Variants in AP4E1 observed in about 807,000 individuals in gnomAD.
AP4E1 encodes adaptor related protein complex 4 subunit epsilon 1.
AP4E1 carries 56 observed loss-of-function variants against 128.2 expected under a neutral mutation model. The ratio of observed to expected loss-of-function variants is 0.44; its 90% confidence interval spans 0.35 to 0.55. The LOEUF (loss-of-function observed/expected upper bound fraction) is 0.55, where lower values mean the gene tolerates loss of function less well. AP4E1 is among the 20% of genes least tolerant of loss of function. The pLI is 0.00. For synonymous variants in AP4E1, 484 were observed against 473.1 expected, an observed-to-expected ratio of 1.02 and a Z score of -0.30; for missense variants, 1,324 against 1,307.7, an observed-to-expected ratio of 1.01 and a Z score of -0.19.
chr15:50,992,059 G>A (rs996730067), intron 16 of AP4E1, among the ~76,000 whole-genome samples: 5 of 150,936 alleles, frequency 3.3e-5, no homozygotes, highest in South Asian at 2.1e-4. Flanking sequence ...TAAACTGTGC[G>A]GGTCCACTTA....
chr15:50,908,539 G>A (rs928324230), upstream of AP4E1: 5 of 448,980 alleles, frequency 1.1e-5, no homozygotes, highest in Admixed American at 9.1e-5. Context: ...CGCGAGAAAG[G>A]AGGTCTACTT....
At position 50,968,183 on chromosome 15, in the gene AP4E1, G is replaced by A. The variant is rs552163134; in HGVS notation, c.1852-80G>A. Reference sequence around the variant, plus strand: ...TTAGAATTTTAAAAAATATATATGGGCTGAAATTATTTATGTGACTATATA... The same window carrying A: ...TTAGAATTTTAAAAAATATATATGGACTGAAATTATTTATGTGACTATATA... On this transcript the variant is annotated intron_variant, in intron 14 of 20. Coordinates refer to ENST00000261842, the MANE Select transcript of AP4E1 (RefSeq NM_007347.5). 151 of 960,832 alleles carry A rather than the reference G, an allele frequency of 1.6e-4. 1 individual carries two copies. The highest frequency in any genetic ancestry group is 2.3e-4 in the Non-Finnish European group (145 of 628,048). 59.5% of individuals were successfully genotyped at this position (960,832 alleles called of 1,614,324 possible).
chr15:50,995,039 T>C (rs2064850327), intron 17 of AP4E1, among the ~76,000 whole-genome samples: 1 of 152,200 alleles, frequency 6.6e-6, no homozygotes, highest in African/African-American at 2.4e-5. Context: ...TGTTGTAACT[T>C]AGATGCATAA....
chr15:50,948,067 T>C lies in AP4E1; in HGVS notation c.1224T>C (p.Val408=), dbSNP rs531296483. Residue 408 remains valine, a synonymous_variant, in exon 11 of 21, where the codon GTT becomes GTC. Coordinates refer to ENST00000261842, the MANE Select transcript of AP4E1 (RefSeq NM_007347.5). ...TTACTAATGCACAGAATATAACAGT[T>C]ATTGTCCAGAAAATGCTTGAATATT... ...YRITNAQNIT[V]IVQKMLEYLH... 1 of 1,611,870 alleles carries C rather than the reference T, an allele frequency of 6.2e-7. No homozygotes were observed. Among genetic ancestry groups the C allele is most frequent in the South Asian group, 1.1e-5 (1 of 91,042 alleles).
intron 8 of AP4E1, among the ~76,000 whole-genome samples, chr15:50,935,655 TATC>T (rs1214559405): frequency 1.3e-5 from 2 of 152,128 alleles, no homozygotes; most frequent in African/African-American, 4.8e-5. Context: ...TCTGGTAAAA[TATC>T]ATGAAGTAGG....
intron 4 of AP4E1, 40 bp downstream of exon 4, chr15:50,924,044 T>A (rs192967080): frequency 3.3e-6 from 5 of 1,499,116 alleles, no homozygotes; most frequent in Admixed American, 1.7e-5. Flanking sequence ...GTCATAATTC[T>A]TGTCAGCACC....
chr15:50,984,858 T>A (rs2064695863), intron 16 of AP4E1, among the ~76,000 whole-genome samples: 2 of 152,252 alleles, frequency 1.3e-5, no homozygotes, highest in Non-Finnish European at 2.9e-5. Context: ...GTATTTCTAG[T>A]TCTAGATCCT....
intron 16 of AP4E1, among the ~76,000 whole-genome samples, chr15:50,987,532 C>A (rs2064745694): frequency 6.6e-6 from 1 of 152,142 alleles, no homozygotes; most frequent in Non-Finnish European, 1.5e-5. Context: ...CAAAGAACAT[C>A]TTTATTTCTG....
rs559313630 is a variant in AP4E1 at position 50,942,750 on chromosome 15, A to G, written c.1176+975A>G. Among the ~76,000 whole-genome samples the G allele has an allele frequency of 1.7e-4, 26 of 150,610 alleles. No homozygotes were observed. In the East Asian group the frequency reaches 1.7e-3, roughly 10 times the overall value. Reference sequence around the variant, plus strand: ...TTTTTCTTTTTGTAAATTTGCTTCAATGTCTACTTGGGTGTCTATATAAAT... The same window carrying G: ...TTTTTCTTTTTGTAAATTTGCTTCAGTGTCTACTTGGGTGTCTATATAAAT... On this transcript the variant is annotated intron_variant, in intron 10 of 20. Transcript: ENST00000261842.
chr15:50,990,782 A>T (rs1361503401), intron 16 of AP4E1, among the ~76,000 whole-genome samples: 1 of 152,168 alleles, frequency 6.6e-6, no homozygotes, highest in African/African-American at 2.4e-5. Context: ...AAATAAGAAA[A>T]ATCTTTAAAA....
chr15:50,928,391 G>T (rs1233583590), intron 5 of AP4E1, among the ~76,000 whole-genome samples: 4 of 152,030 alleles, frequency 2.6e-5, no homozygotes, highest in African/African-American at 4.8e-5. Context: ...AGGTTCAAGC[G>T]ATTCTTGTGC....
chr15:50,919,535 AAAATAAATAAATAAAT>A (rs68106715), intron 3 of AP4E1, among the ~76,000 whole-genome samples: 12,229 of 147,554 alleles, frequency 0.083, 666 homozygotes, highest in Middle Eastern at 0.15. Context: ...TCCATCTCAA[AAAATAAATAAATAAAT>A]AAATAAATAA....
In AP4E1 at chr15:51,004,042, A is replaced by G. The variant is rs1395594342; in HGVS notation, c.*1380A>G. ...TCAATTAATTTTTAAGTTATTCATT[A>G]AAAAATATATAACATCTTAATTTTA... On this transcript the variant is annotated 3_prime_UTR_variant, in exon 21 of 21. Coordinates refer to ENST00000261842, the MANE Select transcript of AP4E1 (RefSeq NM_007347.5). 6.6e-6 allele frequency: 1 copy of G among 152,244 alleles called. No individual in the cohort carries two copies. Among genetic ancestry groups the G allele is most frequent in the Non-Finnish European group, 1.5e-5 (1 of 68,046 alleles). The allele number at this position is 152,244 out of a possible 1,614,324, so 9.4% of individuals were successfully genotyped here.
rs2064997943 is a variant in AP4E1 at position 51,004,397 on chromosome 15, C to T, written c.*1735C>T. On this transcript the variant is annotated 3_prime_UTR_variant, in exon 21 of 21. Coordinates refer to ENST00000261842, the MANE Select transcript of AP4E1 (RefSeq NM_007347.5). ...GCTCCAATTTTTTGTGTCCTTACTT[C>T]CCTATGTTTGCCTAGTTACTGAGGC... The T allele has an allele frequency of 6.6e-6, 1 of 152,198 alleles. No individual in the cohort carries two copies. The highest frequency in any genetic ancestry group is 2.1e-4 in the South Asian group (1 of 4,820). 9.4% of individuals were successfully genotyped at this position (152,198 alleles called of 1,614,324 possible). A position where few individuals can be genotyped will look rare whatever the true frequency, so the allele number is the denominator to read the frequency against.
Position 50,955,979 on chromosome 15 carries a change from A to C in AP4E1, c.1549-2513A>C, listed in dbSNP as rs144966510. ...ACTTTTCTGTCCTCTTGGCTTATTG[A>C]CTAGAGGGCAGGCTCCTGTTGGGGC... On this transcript the variant is annotated intron_variant, in intron 13 of 20. Transcript: ENST00000261842. Among the ~76,000 whole-genome samples the C allele has an allele frequency of 3.2e-4, 49 of 152,146 alleles. No individual in the cohort carries two copies. In the Middle Eastern group the frequency reaches 0.014, roughly 42 times the overall value.
intron 7 of AP4E1, among the ~76,000 whole-genome samples, chr15:50,932,350 T>C (rs1328145839): frequency 3.3e-5 from 5 of 152,202 alleles, no homozygotes; most frequent in African/African-American, 1.2e-4. Flanking sequence ...TTCCCTTACA[T>C]CCTGCACCTA....
At chr15:50,976,241 T>G (rs767107851) in intron 15 of AP4E1, among the ~76,000 whole-genome samples, 3 of 152,146 alleles carry the variant, frequency 2.0e-5, no homozygotes, top group African/African-American at 4.8e-5. Flanking sequence ...GAAAATAAAT[T>G]AATGTGATAT....
At chr15:50,923,702 C>G (rs1415568954) in intron 3 of AP4E1, among the ~76,000 whole-genome samples, 3 of 152,174 alleles carry the variant, frequency 2.0e-5, no homozygotes, top group Non-Finnish European at 4.4e-5. Context: ...CACATAGTGT[C>G]TATTCCGTTT....
intron 14 of AP4E1, among the ~76,000 whole-genome samples, chr15:50,961,656 A>G (rs2064315758): frequency 6.6e-6 from 1 of 152,144 alleles, no homozygotes; most frequent in South Asian, 2.1e-4. Context: ...TGCAATGAAT[A>G]AGAAAAAACT....
Sources: gnomAD v4.1 joint callset for allele counts (sites outside exome capture counted in the v4.1 genomes callset) on GRCh38, gnomAD v4.1.1 for gene constraint, MANE v1.5 for transcripts, NCBI Gene and HGNC (gene_info 2026-07-23, HGNC 2026-07-21) for gene names.